The following PDE6G variants were observed in gnomAD, a reference collection of about 807,000 sequenced individuals.
PDE6G encodes the protein rod cGMP 3',5'-cyclic phosphodiesterase subunit gamma.
PDE6G carries 10 observed loss-of-function variants against 10.9 expected under a neutral mutation model. The ratio of observed to expected loss-of-function variants is 0.91; its 90% CI spans 0.56 to 1.55. The LOEUF (loss-of-function observed/expected upper bound fraction) is 1.55. Among genes scored for constraint, PDE6G ranks in the 40% most tolerant of loss-of-function variants. PDE6G has a pLI of 0.00. For synonymous variants in PDE6G, 41 were observed against 42.8 expected (o/e 0.96, Z 0.16); for missense variants, 102 against 110.1 (o/e 0.93, Z 0.33).
upstream of PDE6G, among the ~76,000 whole-genome samples, chr17:81,659,475 T>C (rs1367505708): frequency 6.6e-6 from 1 of 150,602 alleles, no homozygotes; most frequent in African/African-American, 2.4e-5. Flanking sequence ...GGCGGGCGCC[T>C]GTAGTCCCAG....
upstream of PDE6G, among the ~76,000 whole-genome samples, chr17:81,657,829 C>T (rs891393825): frequency 1.3e-5 from 2 of 151,540 alleles, no homozygotes; most frequent in Admixed American, 6.6e-5. Flanking sequence ...TGCAGTGAGC[C>T]GAGATCGCGC....
At chr17:81,659,684 C>T (rs1167191550), upstream of PDE6G, among the ~76,000 whole-genome samples, 1 of 152,170 alleles carries the variant, frequency 6.6e-6, no homozygotes, top group Non-Finnish European at 1.5e-5. Flanking sequence ...CATATCTTCA[C>T]AATAATGCAA....
intron 1 of PDE6G, among the ~76,000 whole-genome samples, chr17:81,661,688 C>T (rs765223846): frequency 1.3e-4 from 20 of 151,916 alleles, no homozygotes; most frequent in Admixed American, 2.6e-4. Flanking sequence ...GGTGAAAGCC[C>T]GTTGCTACTG....
At chr17:81,658,563 G>A (rs771290247), upstream of PDE6G, among the ~76,000 whole-genome samples, 8 of 151,954 alleles carry the variant, frequency 5.3e-5, no homozygotes, top group East Asian at 3.9e-4. Context: ...AAACCTGGAC[G>A]GGCATGGTGG....
At chr17:81,659,537 T>C (rs1231196235), upstream of PDE6G, among the ~76,000 whole-genome samples, 2 of 151,952 alleles carry the variant, frequency 1.3e-5, no homozygotes, top group Admixed American at 1.3e-4. Context: ...AGGCGGAGGT[T>C]GCAGTGAGCT....
upstream of PDE6G, among the ~76,000 whole-genome samples, chr17:81,657,438 T>A (rs2036461376): frequency 6.6e-6 from 1 of 152,248 alleles, no homozygotes; most frequent in African/African-American, 2.4e-5. Flanking sequence ...AAGATTCGCT[T>A]CTGCACCAAA....
rs72857191 is a variant in PDE6G at position 81,651,271 on chromosome 17, C to T, written c.188-121G>A. On this transcript the variant is annotated intron_variant, in intron 3 of 3. Transcript: ENST00000331056. The surrounding 1 kb of genome is among the most constrained non-coding windows in gnomAD (Gnocchi z 4.8). ...CTACAGTGTGCTGAGCGGGGACGTG[C>T]GGACGCTGGAGTGGGGCCCTCCTCT... is the stretch of plus-strand genomic sequence containing the variant. 1.1e-4 allele frequency: 84 copies of T among 758,948 alleles called. 1 individual carries two copies. Among genetic ancestry groups the T allele is most frequent in the Non-Finnish European group, 1.6e-4 (71 of 435,802 alleles). The allele number at this position is 758,948 out of a possible 1,614,324, so 47.0% of individuals were successfully genotyped here. A position where few individuals can be genotyped will look rare whatever the true frequency, so the allele number is the denominator to read the frequency against.
In PDE6G at chr17:81,653,214, T is replaced by C. The variant is rs778274942; in HGVS notation, c.92A>G (p.Lys31Arg). The C allele has an allele frequency of 6.2e-7, 1 of 1,614,120 alleles. No homozygotes were observed. Among genetic ancestry groups the C allele is most frequent in the Admixed American group, 1.7e-5 (1 of 60,016 alleles). ...VTPRKGPPKF[K>R]QRQTRQFKSK... Reference sequence around the variant, plus strand: ...CTTGAACTGCCTGGTCTGTCGCTGCTTAAATTTAGGGGGCCCTTTCCTGGG... The same window carrying C: ...CTTGAACTGCCTGGTCTGTCGCTGCCTAAATTTAGGGGGCCCTTTCCTGGG... Residue 31 changes from lysine (K) to arginine (R), a missense_variant, in exon 2 of 4, where the codon AAG becomes AGG. Transcript: ENST00000331056. The surrounding 1 kb of genome is among the most constrained non-coding windows in gnomAD (Gnocchi z 5.2).
intron 1 of PDE6G, 49 bp downstream of exon 1, chr17:81,656,444 C>G (rs1343653796): frequency 1.4e-6 from 1 of 734,886 alleles, no homozygotes; most frequent in Non-Finnish European, 2.5e-6. Flanking sequence ...CACTGACTCA[C>G]TGGGGGAAGT....
At chr17:81,660,886 A>G (rs184597447), upstream of PDE6G, among the ~76,000 whole-genome samples, 143 of 152,198 alleles carry the variant, frequency 9.4e-4, no homozygotes, top group Non-Finnish European at 1.4e-3. Context: ...TAATTACTTC[A>G]AGTGCTCATG....
chr17:81,660,525 T>C (rs750764168), upstream of PDE6G, among the ~76,000 whole-genome samples: 1 of 152,190 alleles, frequency 6.6e-6, no homozygotes, highest in Non-Finnish European at 1.5e-5. Flanking sequence ...ATAAAGACTA[T>C]AAACTGTTTT....
intron 2 of PDE6G, among the ~76,000 whole-genome samples, chr17:81,652,498 C>G (rs1050930777): frequency 6.6e-6 from 1 of 151,898 alleles, no homozygotes; most frequent in Non-Finnish European, 1.5e-5. Context: ...AGAATGGTCT[C>G]GATCTCCTGA....
chr17:81,659,273 T>G (rs892369971), upstream of PDE6G, among the ~76,000 whole-genome samples: 1 of 151,512 alleles, frequency 6.6e-6, no homozygotes, highest in Non-Finnish European at 1.5e-5. Flanking sequence ...ATTGTACCAT[T>G]GCACTTTAAC....
At chr17:81,656,829 C>T (rs2036453385), upstream of PDE6G, 1 of 575,176 alleles carries the variant, frequency 1.7e-6, no homozygotes, top group Non-Finnish European at 3.1e-6. Context: ...CTCCCTACTG[C>T]CTTTCCTGAC....
Position 81,651,703 on chromosome 17 carries a change from T to TCAGGGACATGGCCGGGCC in PDE6G, c.147-36_147-19dup. 1 of 1,613,756 alleles carries TCAGGGACATGGCCGGGCC rather than the reference T, an allele frequency of 6.2e-7. No homozygotes were observed. ...CCCCAAACCTGCAAGGACAGAGCAC[T>TCAGGGACATGGCCGGGCC]CAGGGACATGGCCGGGCCCAGTCCT... On this transcript the variant is annotated intron_variant, in intron 2 of 3. Coordinates refer to ENST00000331056, the MANE Select transcript of PDE6G (RefSeq NM_002602.4). The surrounding 1 kb of genome is among the most constrained non-coding windows in gnomAD (Gnocchi z 4.8).
intron 1 of PDE6G, among the ~76,000 whole-genome samples, chr17:81,662,449 C>T (rs190677070): frequency 2.0e-5 from 3 of 152,254 alleles, no homozygotes; most frequent in African/African-American, 7.2e-5. Context: ...ATGGCAAAAC[C>T]ACGTCTCTAC....
In PDE6G at chr17:81,651,575, G is replaced by A. The variant is rs1385813186; in HGVS notation, c.187+70C>T. 1.4e-6 allele frequency: 2 copies of A among 1,455,628 alleles called. No individual in the cohort carries two copies. The highest frequency in any genetic ancestry group is 1.1e-5 in the South Asian group (1 of 87,862). 90.2% of individuals were successfully genotyped at this position (1,455,628 alleles called of 1,614,324 possible). ...TGGGGGCCGAGGTGGGCTGCAATGGGCCCCGGGCGTGCTGGGTGTGCCTGG... is the reference window on the plus strand; with the variant it reads ...TGGGGGCCGAGGTGGGCTGCAATGGACCCCGGGCGTGCTGGGTGTGCCTGG... On this transcript the variant is annotated intron_variant, in intron 3 of 3. Transcript: ENST00000331056. The surrounding 1 kb of genome is among the most constrained non-coding windows in gnomAD (Gnocchi z 4.8).
chr17:81,653,547 G>C lies in PDE6G; in HGVS notation c.-59-183C>G, dbSNP rs2071451. ...CAGCTTTGCTTGGGTCCACCCGCAC[G>C]CTCCCATTCCCCTTGCCTAGTGGAT... On this transcript the variant is annotated intron_variant, in intron 1 of 3. Transcript: ENST00000331056. This position sits in a 1 kb window ranked among gnomAD's most constrained non-coding sequence, Gnocchi z 5.2. 1 of 565,424 alleles carries C rather than the reference G, an allele frequency of 1.8e-6. No individual in the cohort carries two copies. The allele number at this position is 565,424 out of a possible 1,614,324, so 35.0% of individuals were successfully genotyped here. A position where few individuals can be genotyped will look rare whatever the true frequency, so the allele number is the denominator to read the frequency against.
At chr17:81,654,010 G>C (rs2036410240) in intron 1 of PDE6G, among the ~76,000 whole-genome samples, 1 of 152,134 alleles carries the variant, frequency 6.6e-6, no homozygotes, top group African/African-American at 2.4e-5. Flanking sequence ...GTAGAGACGG[G>C]GTTTCACCAT....
Sources: gnomAD v4.1 joint callset for allele counts (sites outside exome capture counted in the v4.1 genomes callset) on GRCh38, gnomAD v4.1.1 for gene constraint, Gnocchi (gnomAD v3.1) non-coding constraint, MANE v1.5 for transcripts, NCBI Gene and HGNC (gene_info 2026-07-23, HGNC 2026-07-21) for gene names.